C1orf21: variants seen among roughly 807,000 people sequenced by gnomAD.
C1orf21 encodes uncharacterized protein C1orf21.
C1orf21 carries 3 observed loss-of-function variants against 18.7 expected under a neutral mutation model. The ratio of observed to expected loss-of-function variants is 0.16; its 90% CI spans 0.07 to 0.42. The LOEUF (loss-of-function observed/expected upper bound fraction) is 0.42. Ranked by LOEUF, C1orf21 falls within the 10% of genes least tolerant of loss-of-function variation. The pLI, the probability that C1orf21 is intolerant of heterozygous loss-of-function variation, is 0.99. For synonymous variants in C1orf21, 41 were observed against 46.4 expected, an observed-to-expected ratio of 0.88 and a Z score of 0.47; for missense variants, 104 against 143.6, an observed-to-expected ratio of 0.72 and a Z score of 1.41.
chr1:184,438,618 G>C (rs1194115767), intron 1 of C1orf21, among the ~76,000 whole-genome samples: 1 of 152,180 alleles, frequency 6.6e-6, no homozygotes, highest in Non-Finnish European at 1.5e-5. Flanking sequence ...TGTTGTTACA[G>C]GACAGAGGGG....
At chr1:184,548,409 CTTTTTTT>C (rs35619860) in intron 3 of C1orf21, among the ~76,000 whole-genome samples, 2 of 117,830 alleles carry the variant, frequency 1.7e-5, no homozygotes, top group South Asian at 2.7e-4. Context: ...ATTGCAGACT[CTTTTTTT>C]TTTTTTTTTT....
chr1:184,431,832 AAAAC>A (rs1461205131), intron 1 of C1orf21, among the ~76,000 whole-genome samples: 7 of 152,350 alleles, frequency 4.6e-5, no homozygotes, highest in South Asian at 2.1e-4. Flanking sequence ...TTACTAGAAA[AAAAC>A]AAACAACCTC....
At chr1:184,468,382 T>G (rs1218702485) in intron 1 of C1orf21, among the ~76,000 whole-genome samples, 1 of 152,120 alleles carries the variant, frequency 6.6e-6, no homozygotes, top group Non-Finnish European at 1.5e-5. Flanking sequence ...ATGGATAATT[T>G]TATTTATTTT....
chr1:184,505,408 T>A (rs1305548426), intron 2 of C1orf21, among the ~76,000 whole-genome samples: 1 of 149,318 alleles, frequency 6.7e-6, no homozygotes, highest in Non-Finnish European at 1.5e-5. Flanking sequence ...GTGTTCTGTG[T>A]ATTTAAATAA....
At chr1:184,460,620 G>GTCGTCTTCTTCT (rs1284129710) in intron 1 of C1orf21, among the ~76,000 whole-genome samples, 118 of 112,074 alleles carry the variant, frequency 1.1e-3, no homozygotes, top group Middle Eastern at 4.4e-3. Context: ...TGTCGTCGTC[G>GTCGTCTTCTTCT]TCTTCTTCTT....
At chr1:184,445,390 CCTT>C (rs1225682265) in intron 1 of C1orf21, among the ~76,000 whole-genome samples, 3 of 150,336 alleles carry the variant, frequency 2.0e-5, no homozygotes, top group Admixed American at 6.6e-5. Flanking sequence ...GAGCTGCTCT[CCTT>C]CTCCTTTCTT....
intron 3 of C1orf21, among the ~76,000 whole-genome samples, chr1:184,571,296 CAAAAAAAAAAA>C (rs66868646): frequency 2.2e-4 from 19 of 85,576 alleles, no homozygotes; most frequent in Middle Eastern, 8.2e-3. Flanking sequence ...GACTCCGTCT[CAAAAAAAAAAA>C]AAAAAAAAAA....
chr1:184,567,749 A>G (rs962887434), intron 3 of C1orf21: 2 of 308,906 alleles, frequency 6.5e-6, no homozygotes, highest in African/African-American at 2.2e-5. Context: ...ATGTGAACCC[A>G]GCCCATGCTG....
At chr1:184,445,604 T>C (rs983017049) in intron 1 of C1orf21, among the ~76,000 whole-genome samples, 7 of 152,002 alleles carry the variant, frequency 4.6e-5, no homozygotes, top group Admixed American at 3.9e-4. Context: ...CATTGGAACA[T>C]ACTTGCTGTA....
intron 1 of C1orf21, among the ~76,000 whole-genome samples, chr1:184,427,976 A>G (rs1282822338): frequency 1.3e-5 from 2 of 152,160 alleles, no homozygotes; most frequent in Admixed American, 6.5e-5. Flanking sequence ...CTTATCTAAA[A>G]CAAGATCAGG....
At chr1:184,408,743 T>C (rs1405672045) in intron 1 of C1orf21, among the ~76,000 whole-genome samples, 1 of 152,184 alleles carries the variant, frequency 6.6e-6, no homozygotes, top group Non-Finnish European at 1.5e-5. Context: ...AGATAGAAAG[T>C]GAAGGCAATT....
At position 184,478,341 on chromosome 1, in the gene C1orf21, G is replaced by A. The variant is rs1173118555; in HGVS notation, c.94+738G>A. ...TCTCTGTTGAATCAAAATGACTTTAGGATATCTAGTGCAAAGGCCACAGAT... is the reference window on the plus strand; with the variant it reads ...TCTCTGTTGAATCAAAATGACTTTAAGATATCTAGTGCAAAGGCCACAGAT... On this transcript the variant is annotated intron_variant, in intron 2 of 5. Transcript: ENST00000235307. Among the ~76,000 whole-genome samples the A allele has an allele frequency of 3.3e-5, 5 of 152,062 alleles. No homozygotes were observed. The East Asian group carries it at 9.6e-4, about 29-fold the overall frequency.
At chr1:184,427,843 T>G (rs1179033861) in intron 1 of C1orf21, among the ~76,000 whole-genome samples, 1 of 152,182 alleles carries the variant, frequency 6.6e-6, no homozygotes, top group East Asian at 1.9e-4. Context: ...CCTGTACTCT[T>G]AGCTCATTTT....
At chr1:184,553,822 C>T (rs1181589260) in intron 3 of C1orf21, among the ~76,000 whole-genome samples, 2 of 152,186 alleles carry the variant, frequency 1.3e-5, no homozygotes, top group Admixed American at 1.3e-4. Flanking sequence ...TCAGAGATGG[C>T]ATGCCACACA....
At chr1:184,433,177 G>A (rs1320429244) in intron 1 of C1orf21, among the ~76,000 whole-genome samples, 4 of 152,176 alleles carry the variant, frequency 2.6e-5, no homozygotes, top group African/African-American at 9.7e-5. Flanking sequence ...GTAGGGATGT[G>A]GTGGGGTGTG....
At chr1:184,438,666 G>A (rs1370355526) in intron 1 of C1orf21, among the ~76,000 whole-genome samples, 1 of 152,186 alleles carries the variant, frequency 6.6e-6, no homozygotes, top group East Asian at 1.9e-4. Context: ...TCGGCAGGTA[G>A]CTCTGCTGAT....
chr1:184,505,346 CAT>C (rs1225683941), intron 2 of C1orf21, among the ~76,000 whole-genome samples: 816 of 78,786 alleles, frequency 0.01, 7 homozygotes, highest in South Asian at 0.016. Flanking sequence ...TATATACACA[CAT>C]GCCATATATA....
At chr1:184,481,291 T>A (rs1331251133) in intron 2 of C1orf21, among the ~76,000 whole-genome samples, 1 of 152,202 alleles carries the variant, frequency 6.6e-6, no homozygotes, top group African/African-American at 2.4e-5. Flanking sequence ...TCAGCTGTGG[T>A]GACACTTCTC....
rs1228326782 is a variant in C1orf21, at chr1:184,624,132, A to G, written c.*4576A>G. 4.6e-5 allele frequency: 7 copies of G among 152,664 alleles called. No homozygotes were observed. Among genetic ancestry groups the G allele is most frequent in the Non-Finnish European group, 8.8e-5 (6 of 68,038 alleles). The allele number at this position is 152,664 out of a possible 1,614,324, so 9.5% of individuals were successfully genotyped here. A position where few individuals can be genotyped will look rare whatever the true frequency, so the allele number is the denominator to read the frequency against. On this transcript the variant is annotated 3_prime_UTR_variant, in exon 6 of 6. Transcript: ENST00000235307. ...TTGAAAGAAGGAAAGATGTCATTCA[A>G]GTATTTTTCAAATTCTTTTTATTAT...
Sources: gnomAD v4.1 joint callset for allele counts (sites outside exome capture counted in the v4.1 genomes callset) on GRCh38, gnomAD v4.1.1 for gene constraint, MANE v1.5 for transcripts, NCBI Gene and HGNC (gene_info 2026-07-23, HGNC 2026-07-21) for gene names.